RLBP1: variants seen among roughly 807,000 people sequenced by gnomAD.
The protein encoded by RLBP1 is retinaldehyde binding protein 1.
A neutral mutation model predicts 36.2 loss-of-function variants in RLBP1; 26 were observed. The observed-to-expected ratio is 0.72, with a 90% CI of 0.53 to 1.00. The LOEUF (loss-of-function observed/expected upper bound fraction) is 1.00, where lower values mean the gene tolerates loss of function less well. Among genes scored for constraint, RLBP1 ranks in the 50% least tolerant of loss-of-function variants. The pLI is 0.00. For missense variants in RLBP1, 410 were observed against 402.4 expected, an observed-to-expected ratio of 1.02 and a Z score of -0.16; for synonymous variants, 155 against 156.2, an observed-to-expected ratio of 0.99 and a Z score of 0.06.
In RLBP1 at chr15:89,214,252, G is replaced by A. The variant is rs2051560604; in HGVS notation, c.525+808C>T. On this transcript the variant is annotated intron_variant, in intron 6 of 8. Transcript: ENST00000268125. This position sits in a 1 kb window ranked among gnomAD's most constrained non-coding sequence, Gnocchi z 4.6. ...GAGGTGGGCGGATCACTTGAGCTCA[G>A]GAGTTTGAGACCAGCCTGGCCAACA... Among the ~76,000 whole-genome samples the A allele has an allele frequency of 6.6e-6, 1 of 152,098 alleles. No individual in the cohort carries two copies. The highest frequency in any genetic ancestry group is 1.5e-5 in the Non-Finnish European group (1 of 68,030).
rs540072943 is a variant in RLBP1 at position 89,218,864 on chromosome 15, G to A, written c.12+100C>T. Reference sequence around the variant, plus strand: ...TATAGAAGTGTGTGCCTATATTCCCGGGCAGAGCATAAGATAGAGAAGTAA... The same window carrying A: ...TATAGAAGTGTGTGCCTATATTCCCAGGCAGAGCATAAGATAGAGAAGTAA... On this transcript the variant is annotated intron_variant, in intron 3 of 8. Transcript: ENST00000268125. This position sits in a 1 kb window ranked among gnomAD's most constrained non-coding sequence, Gnocchi z 4.6. The A allele has an allele frequency of 2.7e-5, 41 of 1,520,286 alleles. 1 individual carries two copies. Among genetic ancestry groups the A allele is most frequent in the African/African-American group, 2.5e-4 (18 of 73,408 alleles). 94.2% of individuals were successfully genotyped at this position (1,520,286 alleles called of 1,614,324 possible).
chr15:89,209,869 T>G lies in RLBP1; in HGVS notation c.*416A>C. On this transcript the variant is annotated 3_prime_UTR_variant, in exon 9 of 9. Transcript: ENST00000268125. ...GTTTGCCAAATCATTTGAACATATA[T>G]CCTCTCTCTTTTATCTTCTTTTATT... 1 of 281,318 alleles carries G rather than the reference T, an allele frequency of 3.6e-6. No individual in the cohort carries two copies. The highest frequency in any genetic ancestry group is 3.8e-5 in the South Asian group (1 of 26,158). 17.4% of individuals were successfully genotyped at this position (281,318 alleles called of 1,614,324 possible).
rs1396641010 is a variant in RLBP1 at position 89,214,636 on chromosome 15, G to A, written c.525+424C>T. ...AGCAAAATTGCGTACACAATTTTGC[G>A]AGCACAAAGAACTCGGGCTCCTAAA... is the stretch of plus-strand genomic sequence containing the variant. On this transcript the variant is annotated intron_variant, in intron 6 of 8. Coordinates refer to ENST00000268125, the MANE Select transcript of RLBP1 (RefSeq NM_000326.5). This position sits in a 1 kb window ranked among gnomAD's most constrained non-coding sequence, Gnocchi z 4.6. Among the ~76,000 whole-genome samples, 1 of 122,548 alleles carries A rather than the reference G, an allele frequency of 8.2e-6. No homozygotes were observed. The allele number at this position is 122,548 out of a possible 152,430, so 80.4% of individuals were successfully genotyped here.
chr15:89,216,308 A>AC lies in RLBP1; in HGVS notation c.346+811dup, dbSNP rs1224633483. Among the ~76,000 whole-genome samples, 30 of 144,090 alleles carry AC rather than the reference A, an allele frequency of 2.1e-4. No homozygotes were observed. In the East Asian group the frequency reaches 3.3e-3, roughly 16 times the overall value. The allele number at this position is 144,090 out of a possible 152,430, so 94.5% of individuals were successfully genotyped here. A position where few individuals can be genotyped will look rare whatever the true frequency, so the allele number is the denominator to read the frequency against. On this transcript the variant is annotated intron_variant, in intron 5 of 8. Transcript: ENST00000268125. ...CAAGATTCGATTTCTTGAGGGAACCACCCCCTTTTTTTTTTTCTTTCTTTC... is the reference window on the plus strand; with the variant it reads ...CAAGATTCGATTTCTTGAGGGAACCACCCCCCTTTTTTTTTTTCTTTCTTTC...
At chr15:89,212,092 C>T (rs1281696293) in intron 6 of RLBP1, among the ~76,000 whole-genome samples, 191 bp from the exon 7 acceptor site, 1 of 152,112 alleles carries the variant, frequency 6.6e-6, no homozygotes, top group Non-Finnish European at 1.5e-5. Context: ...GCTTAGAGGC[C>T]AGAAGGTTTA....
At chr15:89,213,276 TAA>T (rs113002812) in intron 6 of RLBP1, among the ~76,000 whole-genome samples, 6 of 141,216 alleles carry the variant, frequency 4.2e-5, no homozygotes, top group African/African-American at 1.0e-4. Context: ...ATCAATTTGT[TAA>T]AAAAAAAAAA....
At chr15:89,219,638 A>T (rs887728908) in intron 2 of RLBP1, 99 bp downstream of exon 2, 4 of 154,806 alleles carry the variant, frequency 2.6e-5, no homozygotes, top group Non-Finnish European at 4.3e-5. Flanking sequence ...CAGGGTCAAC[A>T]TTATTATTTC....
At position 89,211,357 on chromosome 15, in the gene RLBP1, A is replaced by T. The variant is rs375285334; in HGVS notation, c.684+386T>A. 3.9e-5 allele frequency among the ~76,000 whole-genome samples: 6 copies of T among 152,302 alleles called. No individual in the cohort carries two copies. The East Asian group carries it at 7.7e-4, about 20-fold the overall frequency. ...CTTTCTCGGGGTGAATCCACATTCA[A>T]AGAGAGGCAGTGCGACATATGTGGA... is the stretch of plus-strand genomic sequence containing the variant. On this transcript the variant is annotated intron_variant, in intron 7 of 8. Coordinates refer to ENST00000268125, the MANE Select transcript of RLBP1 (RefSeq NM_000326.5). The surrounding 1 kb of genome is among the most constrained non-coding windows in gnomAD (Gnocchi z 5.8).
At position 89,219,080 on chromosome 15, in the gene RLBP1, A is replaced by G; in HGVS notation, c.-100-5T>C. 1 of 1,351,078 alleles carries G rather than the reference A, an allele frequency of 7.4e-7. No homozygotes were observed. Among genetic ancestry groups the G allele is most frequent in the East Asian group, 2.3e-5 (1 of 43,696 alleles). 83.7% of individuals were successfully genotyped at this position (1,351,078 alleles called of 1,614,324 possible). A position where few individuals can be genotyped will look rare whatever the true frequency, so the allele number is the denominator to read the frequency against. On this transcript the variant is annotated splice_region_variant and splice_polypyrimidine_tract_variant and intron_variant, in intron 2 of 8. Transcript: ENST00000268125. The stretch of plus-strand genomic sequence containing the variant: ...CCCTAGGATAGGAAGTCAGGGCTGC[A>G]GGGGTTAGAAAAACCATTCTGTTAT...
intron 5 of RLBP1, 38 bp downstream of exon 5, chr15:89,217,082 C>G: frequency 1.9e-6 from 3 of 1,604,962 alleles, no homozygotes; most frequent in South Asian, 1.1e-5. Context: ...CATGGCCTCC[C>G]GTCTTCCCAG....
At chr15:89,217,392 T>C in intron 4 of RLBP1, 68 bp from the exon 5 acceptor site, 3 of 1,494,992 alleles carry the variant, frequency 2.0e-6, no homozygotes, top group South Asian at 2.2e-5. Context: ...ACACAGGTGA[T>C]GAGTCTCCTG....
intron 6 of RLBP1, among the ~76,000 whole-genome samples, chr15:89,213,739 T>C (rs1596182292): frequency 6.6e-6 from 1 of 152,330 alleles, no homozygotes; most frequent in East Asian, 1.9e-4. Flanking sequence ...ATCTCACATT[T>C]GTGGATAGGA....
At position 89,211,338 on chromosome 15, in the gene RLBP1, C is replaced by T. The variant is rs191670614; in HGVS notation, c.684+405G>A. Among the ~76,000 whole-genome samples the T allele has an allele frequency of 2.0e-5, 3 of 152,146 alleles. No individual in the cohort carries two copies. In the East Asian group the frequency reaches 5.8e-4, roughly 29 times the overall value. On this transcript the variant is annotated intron_variant, in intron 7 of 8. Coordinates refer to ENST00000268125, the MANE Select transcript of RLBP1 (RefSeq NM_000326.5). This position sits in a 1 kb window ranked among gnomAD's most constrained non-coding sequence, Gnocchi z 5.8. ...AGAGGGTTAGTGATAATCCCTTTCT[C>T]GGGGTGAATCCACATTCAAAGAGAG... is the stretch of plus-strand genomic sequence containing the variant.
rs778212129 is a variant in RLBP1, at chr15:89,215,082, C to A, written c.503G>T (p.Ser168Ile). Reference protein sequence around the residue: ...VMLFNIENWQSQEITFDEILQ... With the variant: ...VMLFNIENWQIQEITFDEILQ... ...AACCTCATCAAAGGTGATTTCTTGA[C>A]TTTGCCAGTTCTCAATGTTGAAGAG... The change falls in exon 6 of 9, where the codon AGT becomes ATT. Residue 168 changes from serine to isoleucine, a missense_variant. Coordinates refer to ENST00000268125, the MANE Select transcript of RLBP1 (RefSeq NM_000326.5). 6.2e-6 allele frequency: 10 copies of A among 1,614,122 alleles called. No homozygotes were observed. The South Asian group carries it at 1.1e-4, about 18-fold the overall frequency.
rs573453847 is a variant in RLBP1, at chr15:89,214,295, T to C, written c.525+765A>G. Among the ~76,000 whole-genome samples the C allele has an allele frequency of 6.6e-6, 1 of 152,160 alleles. No homozygotes were observed. Among genetic ancestry groups the C allele is most frequent in the South Asian group, 2.1e-4 (1 of 4,818 alleles). On this transcript the variant is annotated intron_variant, in intron 6 of 8. Transcript: ENST00000268125. The surrounding 1 kb of genome is among the most constrained non-coding windows in gnomAD (Gnocchi z 4.6). The stretch of plus-strand genomic sequence containing the variant: ...GGCCAACATGGTGAAACCCCGTCTC[T>C]ACTAAAAATACAAACATTAGCTGGG...
At chr15:89,217,996 A>G (rs2051596112) in intron 4 of RLBP1, among the ~76,000 whole-genome samples, 1 of 152,110 alleles carries the variant, frequency 6.6e-6, no homozygotes. Context: ...TTCCCTTGAG[A>G]TGCCCAAGGA....
Position 89,211,636 on chromosome 15 carries a change from G to T in RLBP1, c.684+107C>A. The T allele has an allele frequency of 8.6e-7, 1 of 1,163,274 alleles. No individual in the cohort carries two copies. The highest frequency in any genetic ancestry group is 1.3e-6 in the Non-Finnish European group (1 of 793,372). The allele number at this position is 1,163,274 out of a possible 1,614,324, so 72.1% of individuals were successfully genotyped here. On this transcript the variant is annotated intron_variant, in intron 7 of 8. Transcript: ENST00000268125. This position sits in a 1 kb window ranked among gnomAD's most constrained non-coding sequence, Gnocchi z 5.8. ...TGGCTGTCACTGCTCTTTATGGCGC[G>T]AGGTGGTCCAACTTCTCAGTTCCCT...
At chr15:89,212,518 G>A (rs1405285470) in intron 6 of RLBP1, among the ~76,000 whole-genome samples, 1 of 150,000 alleles carries the variant, frequency 6.7e-6, no homozygotes, top group Non-Finnish European at 1.5e-5. Flanking sequence ...TTGAGAGGCA[G>A]AGGTTGCAGT....
Position 89,210,339 on chromosome 15 carries a change from G to A in RLBP1, c.900C>T (p.Ala300=), listed in dbSNP as rs766672622. The stretch of plus-strand genomic sequence containing the variant: ...GGGGGCCAAAGAGCTGCTCAGCAAC[G>A]GCCTTGCCATCATACTTGGGCAGCG... The part of the protein sequence containing the change: ...GGTLPKYDGK[A]VAEQLFGPQA... Residue 300 remains alanine, a synonymous_variant, in exon 9 of 9, where the codon GCC becomes GCT. Transcript: ENST00000268125. The surrounding 1 kb of genome is among the most constrained non-coding windows in gnomAD (Gnocchi z 4.7). 2.6e-5 allele frequency: 42 copies of A among 1,614,096 alleles called. No homozygotes were observed. In the Admixed American group the frequency reaches 4.8e-4, roughly 19 times the overall value.
Sources: allele counts gnomAD v4.1 joint callset (sites outside exome capture counted in the v4.1 genomes callset), GRCh38; gene constraint gnomAD v4.1.1; non-coding constraint Gnocchi (gnomAD v3.1); transcripts MANE v1.5; gene names NCBI Gene and HGNC (gene_info 2026-07-23, HGNC 2026-07-21).